FBXL4: variants seen among roughly 807,000 people sequenced by gnomAD.
The protein encoded by FBXL4 is F-box and leucine rich repeat protein 4.
FBXL4 carries 40 observed loss-of-function variants against 58.9 expected under a neutral mutation model. The ratio of observed to expected loss-of-function variants is 0.68; its 90% confidence interval spans 0.53 to 0.88. FBXL4 has a LOEUF of 0.88. Among genes scored for constraint, FBXL4 ranks in the 40% least tolerant of loss-of-function variants. The pLI is 0.00. For synonymous variants in FBXL4, 263 were observed against 265.5 expected (o/e 0.99, Z 0.09); for missense variants, 676 against 734.4 (o/e 0.92, Z 0.92).
At position 98,889,822 on chromosome 6, in the gene FBXL4, GT is replaced by G. The variant is rs371404826; in HGVS notation, c.1318-9199del. Among the ~76,000 whole-genome samples, 266 of 151,998 alleles carry G rather than the reference GT, an allele frequency of 1.8e-3. 2 individuals carry two copies. Among genetic ancestry groups the G allele is most frequent in the African/African-American group, 5.9e-3 (245 of 41,482 alleles). On this transcript the variant is annotated intron_variant, in intron 7 of 9. Transcript: ENST00000369244. ...AGAATTATTATTAATGCCTTTACTT[GT>G]TAAGAAGAAATTTATTAATAGATAA...
chr6:98,873,291 A>G lies in FBXL4; in HGVS notation c.*987T>C, dbSNP rs1016389015. ...TGTAATATATAATTATATAATATAT[A>G]ATATATACATGTATATATTAAAAAT... On this transcript the variant is annotated 3_prime_UTR_variant, in exon 10 of 10. Transcript: ENST00000369244. 1 of 147,578 alleles carries G rather than the reference A, an allele frequency of 6.8e-6. No individual in the cohort carries two copies. The highest frequency in any genetic ancestry group is 2.5e-5 in the African/African-American group (1 of 40,638). 9.1% of individuals were successfully genotyped at this position (147,578 alleles called of 1,614,324 possible). A position where few individuals can be genotyped will look rare whatever the true frequency, so the allele number is the denominator to read the frequency against.
At chr6:98,945,590 T>TA (rs1302453903) in intron 1 of FBXL4, among the ~76,000 whole-genome samples, 1 of 152,226 alleles carries the variant, frequency 6.6e-6, no homozygotes, top group Non-Finnish European at 1.5e-5. Flanking sequence ...CATGGGCTAA[T>TA]AAAGTTTTAA....
chr6:98,916,869 C>T (rs768782332), intron 5 of FBXL4, among the ~76,000 whole-genome samples: 16 of 145,320 alleles, frequency 1.1e-4, no homozygotes, highest in Non-Finnish European at 2.0e-4. Flanking sequence ...AAGGTAATAG[C>T]ACTACCTGCC....
intron 4 of FBXL4, among the ~76,000 whole-genome samples, chr6:98,919,641 T>C (rs917818107): frequency 1.3e-5 from 2 of 151,960 alleles, no homozygotes; most frequent in African/African-American, 4.8e-5. Flanking sequence ...AAATCAAGGG[T>C]TCCTAACGAA....
At chr6:98,927,531 T>A (rs1772837134) in intron 3 of FBXL4, among the ~76,000 whole-genome samples, 174 bp downstream of exon 3, 1 of 152,252 alleles carries the variant, frequency 6.6e-6, no homozygotes. Context: ...TTTCACATTA[T>A]GGGAATATAG....
intron 1 of FBXL4, among the ~76,000 whole-genome samples, chr6:98,938,410 G>C (rs574921473): frequency 6.6e-6 from 1 of 152,302 alleles, no homozygotes; most frequent in South Asian, 2.1e-4. Context: ...AACTCGTGGA[G>C]TTCTGGGTGG....
intron 1 of FBXL4, among the ~76,000 whole-genome samples, chr6:98,937,978 A>C (rs1048841762): frequency 6.7e-6 from 1 of 148,838 alleles, no homozygotes; most frequent in Non-Finnish European, 1.5e-5. Flanking sequence ...TGTGGAGTCT[A>C]TTAGCTCTTG....
At chr6:98,923,751 T>C (rs1772672373) in intron 4 of FBXL4, among the ~76,000 whole-genome samples, 1 of 152,218 alleles carries the variant, frequency 6.6e-6, no homozygotes, top group Non-Finnish European at 1.5e-5. Flanking sequence ...AGAGAGGGTG[T>C]TCAATAAATG....
chr6:98,920,131 C>T (rs1772523406), intron 4 of FBXL4, among the ~76,000 whole-genome samples: 1 of 152,000 alleles, frequency 6.6e-6, no homozygotes, highest in Non-Finnish European at 1.5e-5. Flanking sequence ...TAATGTAAAT[C>T]AAATTAAAAA....
rs1028621439 is a variant in FBXL4 at position 98,938,485 on chromosome 6, C to T, written c.-308-3606G>A. Among the ~76,000 whole-genome samples the T allele has an allele frequency of 2.6e-5, 4 of 152,204 alleles. No individual in the cohort carries two copies. In the East Asian group the frequency reaches 5.8e-4, roughly 22 times the overall value. On this transcript the variant is annotated intron_variant, in intron 1 of 9. Transcript: ENST00000369244. The stretch of plus-strand genomic sequence containing the variant: ...AGTCCCTTATAGCAAGGTATTAATA[C>T]TTCCTGACTTCAGGGACAAAGCATT...
At chr6:98,914,422 A>G (rs1342307920) in intron 5 of FBXL4, among the ~76,000 whole-genome samples, 4 of 152,220 alleles carry the variant, frequency 2.6e-5, no homozygotes, top group African/African-American at 9.7e-5. Context: ...ATCCTCAATA[A>G]AATACTGGCA....
chr6:98,940,337 GTA>G (rs1773388385), intron 1 of FBXL4, among the ~76,000 whole-genome samples: 5 of 152,084 alleles, frequency 3.3e-5, no homozygotes, highest in African/African-American at 1.2e-4. Flanking sequence ...AGCTACATTG[GTA>G]TATCAATTCA....
intron 2 of FBXL4, among the ~76,000 whole-genome samples, chr6:98,934,246 A>G (rs1170293398): frequency 3.3e-5 from 5 of 152,194 alleles, no homozygotes; most frequent in Non-Finnish European, 7.3e-5. Flanking sequence ...AGAACTGGAA[A>G]AACTATGGCT....
chr6:98,877,239 G>A (rs1421870422), intron 8 of FBXL4, among the ~76,000 whole-genome samples: 2 of 152,080 alleles, frequency 1.3e-5, no homozygotes, highest in Admixed American at 6.6e-5. Flanking sequence ...ACAGGTTTGG[G>A]GGAACATATC....
intron 8 of FBXL4, among the ~76,000 whole-genome samples, chr6:98,877,514 TA>T (rs1375928694): frequency 6.6e-6 from 1 of 152,128 alleles, no homozygotes; most frequent in Non-Finnish European, 1.5e-5. Context: ...GCTGGGAAAA[TA>T]AAAATGAAAC....
At chr6:98,946,024 G>A (rs891677163) in intron 1 of FBXL4, among the ~76,000 whole-genome samples, 2 of 152,170 alleles carry the variant, frequency 1.3e-5, no homozygotes, top group Admixed American at 1.3e-4. Context: ...GGTAAAGAAA[G>A]GGAATCAACT....
intron 7 of FBXL4, among the ~76,000 whole-genome samples, chr6:98,892,712 T>C (rs1233053858): frequency 6.6e-6 from 1 of 152,108 alleles, no homozygotes; most frequent in Non-Finnish European, 1.5e-5. Context: ...AAGAAAAAAA[T>C]AGGAGAGTGT....
intron 5 of FBXL4, among the ~76,000 whole-genome samples, chr6:98,912,055 C>T (rs1008701576): frequency 6.6e-6 from 1 of 152,104 alleles, no homozygotes; most frequent in Non-Finnish European, 1.5e-5. Flanking sequence ...CCCATGCAAT[C>T]AACTGGAAGA....
chr6:98,929,547 G>C (rs1038144911), intron 2 of FBXL4, among the ~76,000 whole-genome samples: 2 of 149,076 alleles, frequency 1.3e-5, no homozygotes, highest in Non-Finnish European at 3.0e-5. Context: ...CTCCAGCCTG[G>C]GCAACAAGAG....
Sources: gnomAD v4.1 joint callset for allele counts (sites outside exome capture counted in the v4.1 genomes callset) on GRCh38, gnomAD v4.1.1 for gene constraint, MANE v1.5 for transcripts, NCBI Gene and HGNC (gene_info 2026-07-23, HGNC 2026-07-21) for gene names.